Variants in CHODL observed in about 807,000 individuals in gnomAD.
CHODL encodes chondrolectin, also known as transmembrane protein MT75.
A neutral mutation model predicts 34.5 loss-of-function variants in CHODL; 29 were observed. The observed-to-expected ratio is 0.84, with a 90% CI of 0.63 to 1.15. CHODL has a LOEUF of 1.15. CHODL is among the 50% of genes most tolerant of loss of function. CHODL has a pLI of 0.00. For synonymous variants in CHODL, 125 were observed against 116.1 expected, an observed-to-expected ratio of 1.08 and a Z score of -0.49; for missense variants, 332 against 332.5, an observed-to-expected ratio of 1.00 and a Z score of 0.01.
At chr21:18,173,351 G>A (rs1336597171) in intron 2 of CHODL, among the ~76,000 whole-genome samples, 1 of 152,056 alleles carries the variant, frequency 6.6e-6, no homozygotes, top group African/African-American at 2.4e-5. Context: ...CAAGGTCACG[G>A]GCCATTGAGA....
chr21:17,981,608 G>T (rs143761670), intron 1 of CHODL, among the ~76,000 whole-genome samples: 1 of 152,060 alleles, frequency 6.6e-6, no homozygotes. Flanking sequence ...GGAATAATAC[G>T]TCAAACATTT....
rs575052353 is a variant in CHODL at position 17,934,244 on chromosome 21, A to AC, written c.-145+16844_-145+16845insC. 7.5e-3 allele frequency among the ~76,000 whole-genome samples: 1,137 copies of AC among 152,044 alleles called. 19 individuals are homozygous for AC. The highest frequency in any genetic ancestry group is 0.025 in the African/African-American group (1,056 of 41,452). ...CTGAATCTATAAAAATAAAAAAAAA[A>AC]AACACATTCTCAAAAAACAGTAAAA... On this transcript the variant is annotated intron_variant, in intron 1 of 6. Coordinates refer to the CHODL transcript ENST00000400127.
chr21:18,176,573 T>C (rs1300087034), intron 2 of CHODL, among the ~76,000 whole-genome samples: 1 of 152,180 alleles, frequency 6.6e-6, no homozygotes. Context: ...TAGCGAAGTT[T>C]TGTTTGAGTT....
chr21:17,942,712 G>C (rs927623414), intron 1 of CHODL, among the ~76,000 whole-genome samples: 2 of 152,146 alleles, frequency 1.3e-5, no homozygotes, highest in African/African-American at 4.8e-5. Context: ...GGTAAGCAAT[G>C]GTTTCGTATT....
At chr21:18,043,547 A>G (rs575643718) in intron 2 of CHODL, among the ~76,000 whole-genome samples, 1 of 152,036 alleles carries the variant, frequency 6.6e-6, no homozygotes, top group Admixed American at 6.6e-5. Flanking sequence ...CACAGAGCTG[A>G]CAGCCCAAGT....
chr21:18,066,660 TC>T (rs2064736242), intron 2 of CHODL, among the ~76,000 whole-genome samples: 1 of 152,124 alleles, frequency 6.6e-6, no homozygotes, highest in Admixed American at 6.6e-5. Flanking sequence ...TGAATTCTCT[TC>T]CCCTCCCTCC....
rs145488189 is a variant in CHODL at position 17,934,506 on chromosome 21, GTTCT to G, written c.-145+17112_-145+17115del. Reference sequence around the variant, plus strand: ...AAGCTTGGGCTTATCCTCAGTCAGGGTTCTTTCTTCCTTCTTTCCTCCATTGTTA... The same window carrying G: ...AAGCTTGGGCTTATCCTCAGTCAGGGTTCTTCCTTCTTTCCTCCATTGTTA... On this transcript the variant is annotated intron_variant, in intron 1 of 6. Coordinates refer to the CHODL transcript ENST00000400127. Among the ~76,000 whole-genome samples the G allele has an allele frequency of 4.4e-3, 676 of 151,938 alleles. 4 individuals are homozygous for G. The highest frequency in any genetic ancestry group is 0.016 in the African/African-American group (655 of 41,440).
upstream of CHODL, among the ~76,000 whole-genome samples, chr21:18,242,426 G>A (rs2074091082): frequency 6.6e-6 from 1 of 150,408 alleles, no homozygotes; most frequent in Non-Finnish European, 1.5e-5. Flanking sequence ...TTTCCATATT[G>A]TATGGGAAAA....
At chr21:18,145,394 G>A (rs1008496506) in intron 2 of CHODL, among the ~76,000 whole-genome samples, 3 of 131,716 alleles carry the variant, frequency 2.3e-5, no homozygotes, top group African/African-American at 6.1e-5. Flanking sequence ...CCAAGATCGC[G>A]CCACTGCACT....
intron 2 of CHODL, among the ~76,000 whole-genome samples, chr21:18,177,542 G>C (rs2073330896): frequency 6.6e-6 from 1 of 152,084 alleles, no homozygotes; most frequent in Non-Finnish European, 1.5e-5. Context: ...GGGCAATTTA[G>C]TATCAATCTA....
chr21:18,119,735 G>A (rs984950992), intron 2 of CHODL, among the ~76,000 whole-genome samples: 11 of 152,080 alleles, frequency 7.2e-5, no homozygotes, highest in African/African-American at 2.7e-4. Context: ...ACATAAAGTA[G>A]GGATGGAAAT....
intron 2 of CHODL, among the ~76,000 whole-genome samples, chr21:18,123,381 C>T (rs1389856672): frequency 1.3e-5 from 2 of 152,194 alleles, no homozygotes; most frequent in Non-Finnish European, 2.9e-5. Flanking sequence ...GCAATTTCTG[C>T]TTATTCCTAA....
intron 1 of CHODL, among the ~76,000 whole-genome samples, chr21:17,926,793 G>A (rs1462228617): frequency 2.6e-5 from 4 of 152,064 alleles, no homozygotes; most frequent in East Asian, 3.9e-4. Flanking sequence ...TAAAGTGATC[G>A]TACTTGAATA....
intron 1 of CHODL, among the ~76,000 whole-genome samples, chr21:17,937,947 G>A (rs957160274): frequency 6.6e-6 from 1 of 152,284 alleles, no homozygotes; most frequent in African/African-American, 2.4e-5. Context: ...GAGATCAAAA[G>A]TCTACTGGGC....
chr21:18,097,166 C>A (rs1182731288), intron 2 of CHODL, among the ~76,000 whole-genome samples: 1 of 152,086 alleles, frequency 6.6e-6, no homozygotes, highest in Non-Finnish European at 1.5e-5. Flanking sequence ...TAGAACATGA[C>A]AAGGATGCCT....
intron 2 of CHODL, among the ~76,000 whole-genome samples, chr21:18,103,979 GT>G (rs1227344824): frequency 1.3e-5 from 2 of 152,170 alleles, no homozygotes; most frequent in Non-Finnish European, 2.9e-5. Flanking sequence ...CTCCAGTACA[GT>G]TGTTGTGAAG....
chr21:18,087,022 A>G (rs995690068), intron 2 of CHODL, among the ~76,000 whole-genome samples: 5 of 152,122 alleles, frequency 3.3e-5, no homozygotes, highest in East Asian at 3.9e-4. Flanking sequence ...CTAGTCCCCA[A>G]TCCTACAGTG....
At chr21:18,230,690 T>A (rs1025341169) in intron 2 of CHODL, among the ~76,000 whole-genome samples, 1 of 152,084 alleles carries the variant, frequency 6.6e-6, no homozygotes, top group Non-Finnish European at 1.5e-5. Context: ...TAAAGAGGAT[T>A]GTATGGAGTC....
At chr21:18,115,789 C>T (rs762954769) in intron 2 of CHODL, among the ~76,000 whole-genome samples, 3 of 152,148 alleles carry the variant, frequency 2.0e-5, no homozygotes, top group East Asian at 1.9e-4. Flanking sequence ...CCTTATCCTG[C>T]GGATTTCTCA....
Sources: gnomAD v4.1 joint callset for allele counts (sites outside exome capture counted in the v4.1 genomes callset) on GRCh38, gnomAD v4.1.1 for gene constraint, MANE v1.5 for transcripts, NCBI Gene and HGNC (gene_info 2026-07-23, HGNC 2026-07-21) for gene names.